ST7: variants seen among roughly 807,000 people sequenced by gnomAD.
ST7 encodes the protein suppressor of tumorigenicity 7 protein.
A neutral mutation model predicts 78.7 loss-of-function variants in ST7; 28 were observed. That is an observed-to-expected ratio of 0.36 (90% confidence interval 0.26 to 0.49). ST7 has a LOEUF of 0.49. Among genes scored for constraint, ST7 ranks in the 20% least tolerant of loss-of-function variants. ST7 has a pLI of 0.99. For synonymous variants in ST7, 247 were observed against 249.6 expected (o/e 0.99, Z 0.10); for missense variants, 418 against 696.0 (o/e 0.60, Z 4.49).
chr7:116,972,898 G>T (rs939677631), intron 1 of ST7: 8 of 1,337,006 alleles, frequency 6.0e-6, no homozygotes, highest in South Asian at 1.2e-5. Flanking sequence ...CTCGATGGTG[G>T]TGATCCCAGC....
At position 117,096,734 on chromosome 7, in the gene ST7, G is replaced by C. The variant is rs75223262; in HGVS notation, c.152-3028G>C. On this transcript the variant is annotated intron_variant, in intron 1 of 15. Coordinates refer to ENST00000323984, the MANE Select transcript of ST7 (RefSeq NM_001369598.1). Reference sequence around the variant, plus strand: ...ATGAATACATAGGTTGAAATAGCAAGTACCAAGTGCTGACATTATGTCCAC... The same window carrying C: ...ATGAATACATAGGTTGAAATAGCAACTACCAAGTGCTGACATTATGTCCAC... Among the ~76,000 whole-genome samples, 1,070 of 152,340 alleles carry C rather than the reference G, an allele frequency of 7.0e-3. 16 individuals carry two copies. Among genetic ancestry groups the C allele is most frequent in the African/African-American group, 0.025 (1,023 of 41,578 alleles).
rs201580835 is a variant in ST7, at chr7:117,012,283, AT to A, written c.151+58608del. 4.9e-3 allele frequency among the ~76,000 whole-genome samples: 700 copies of A among 142,198 alleles called. 1 individual carries two copies. Among genetic ancestry groups the A allele is most frequent in the Middle Eastern group, 7.3e-3 (2 of 274 alleles). 93.3% of individuals were successfully genotyped at this position (142,198 alleles called of 152,430 possible). ...ATTGGAAAGAACCTAGTTTTTTGAA[AT>A]TTTTTTTTTTTTTTTGGCTTCCGTA... On this transcript the variant is annotated intron_variant, in intron 1 of 15. Coordinates refer to ENST00000323984, the MANE Select transcript of ST7 (RefSeq NM_001369598.1).
chr7:116,995,547 G>C (rs1794615424), intron 1 of ST7, among the ~76,000 whole-genome samples: 1 of 152,234 alleles, frequency 6.6e-6, no homozygotes, highest in South Asian at 2.1e-4. Context: ...AAGCAATCCT[G>C]AGTGAGAAGG....
chr7:117,100,212 CT>C (rs1801466210), intron 2 of ST7, among the ~76,000 whole-genome samples: 1 of 152,174 alleles, frequency 6.6e-6, no homozygotes, highest in Non-Finnish European at 1.5e-5. Context: ...TGGCTCACAT[CT>C]GTAATCCCAG....
At chr7:117,051,489 A>G (rs1463812000) in intron 1 of ST7, among the ~76,000 whole-genome samples, 1 of 152,218 alleles carries the variant, frequency 6.6e-6, no homozygotes, top group Non-Finnish European at 1.5e-5. Flanking sequence ...GGCAAGGGCT[A>G]GGTCACACAG....
At chr7:117,220,772 G>A (rs1192862442) in intron 14 of ST7, among the ~76,000 whole-genome samples, 3 of 152,156 alleles carry the variant, frequency 2.0e-5, no homozygotes, top group African/African-American at 7.2e-5. Flanking sequence ...ATAGCCACAC[G>A]AGGCCCTGAG....
chr7:117,219,310 C>A lies in ST7; in HGVS notation c.1498+134C>A. The A allele has an allele frequency of 2.8e-6, 2 of 724,768 alleles. No individual in the cohort carries two copies. Among genetic ancestry groups the A allele is most frequent in the Non-Finnish European group, 4.6e-6 (2 of 433,364 alleles). The allele number at this position is 724,768 out of a possible 1,614,324, so 44.9% of individuals were successfully genotyped here. ...CCAAACCCCTGTCCTTGTTTGATAG[C>A]ATATGTATTAAAGTGAATTATGTGA... On this transcript the variant is annotated intron_variant, in intron 14 of 15. Transcript: ENST00000323984. The surrounding 1 kb of genome is among the most constrained non-coding windows in gnomAD (Gnocchi z 5.1).
chr7:117,127,337 A>T (rs1271193847), intron 3 of ST7, among the ~76,000 whole-genome samples: 3 of 151,908 alleles, frequency 2.0e-5, no homozygotes, highest in African/African-American at 7.2e-5. Context: ...CCTGATATTT[A>T]TGAGGTATGT....
intron 9 of ST7, among the ~76,000 whole-genome samples, chr7:117,153,964 C>A (rs1361578480): frequency 6.6e-6 from 1 of 152,118 alleles, no homozygotes; most frequent in African/African-American, 2.4e-5. Context: ...AGAAATTAAA[C>A]ATGCATATGA....
chr7:117,101,839 G>A (rs1801589314), intron 2 of ST7, among the ~76,000 whole-genome samples: 1 of 152,124 alleles, frequency 6.6e-6, no homozygotes, highest in South Asian at 2.1e-4. Flanking sequence ...ATCTGTTTTG[G>A]ATAAATGAAA....
intron 1 of ST7, among the ~76,000 whole-genome samples, chr7:117,014,541 C>A (rs1563012369): frequency 6.6e-6 from 1 of 152,146 alleles, no homozygotes; most frequent in Non-Finnish European, 1.5e-5. Flanking sequence ...TATGTACTAT[C>A]AAATGAATGA....
chr7:117,227,609 A>G (rs930381691), intron 15 of ST7, among the ~76,000 whole-genome samples: 1 of 152,118 alleles, frequency 6.6e-6, no homozygotes, highest in African/African-American at 2.4e-5. Context: ...TGTATTTCCT[A>G]TCATGTTGGG....
At chr7:117,163,468 C>CT (rs1807307757) in intron 9 of ST7, among the ~76,000 whole-genome samples, 1 of 151,960 alleles carries the variant, frequency 6.6e-6, no homozygotes, top group South Asian at 2.1e-4. Flanking sequence ...TATTTTTGGT[C>CT]TTTTTTACAA....
At chr7:117,027,498 T>TAAAGTA (rs140342030) in intron 1 of ST7, among the ~76,000 whole-genome samples, 3 of 15,612 alleles carry the variant, frequency 1.9e-4, no homozygotes, top group African/African-American at 3.5e-4. Flanking sequence ...TAAAGTAAAG[T>TAAAGTA]AAGTAAAGTA....
At chr7:117,130,828 T>C in intron 5 of ST7, 1 of 406,564 alleles carries the variant, frequency 2.5e-6, no homozygotes, top group Non-Finnish European at 4.3e-6. Context: ...ATCATGATTT[T>C]TAAAAATATA....
At chr7:117,046,737 A>C (rs1757204088) in intron 1 of ST7, among the ~76,000 whole-genome samples, 1 of 152,194 alleles carries the variant, frequency 6.6e-6, no homozygotes, top group South Asian at 2.1e-4. Context: ...TTTAGAATTT[A>C]AACATGGAAG....
chr7:117,080,618 C>T (rs555725891), intron 1 of ST7, among the ~76,000 whole-genome samples: 1 of 152,122 alleles, frequency 6.6e-6, no homozygotes, highest in East Asian at 1.9e-4. Flanking sequence ...TAAAGAACAA[C>T]AAAAATATGC....
At chr7:117,060,179 T>C (rs1030261287) in intron 1 of ST7, among the ~76,000 whole-genome samples, 2 of 152,214 alleles carry the variant, frequency 1.3e-5, no homozygotes, top group African/African-American at 4.8e-5. Context: ...AGTCTGGGGG[T>C]ACCTGAGGCA....
chr7:117,029,937 AT>A (rs1400040286), intron 1 of ST7, among the ~76,000 whole-genome samples: 1 of 152,110 alleles, frequency 6.6e-6, no homozygotes, highest in Non-Finnish European at 1.5e-5. Context: ...TTATTACTGT[AT>A]AGCTTTATGA....
Sources: allele counts gnomAD v4.1 joint callset (sites outside exome capture counted in the v4.1 genomes callset), GRCh38; gene constraint gnomAD v4.1.1; non-coding constraint Gnocchi (gnomAD v3.1); transcripts MANE v1.5; gene names NCBI Gene and HGNC (gene_info 2026-07-23, HGNC 2026-07-21).